TMEM132D: variants seen among roughly 807,000 people sequenced by gnomAD.
The protein encoded by TMEM132D is mature OL transmembrane protein.
Under a neutral mutation model 62.3 loss-of-function variants are expected in TMEM132D, and 21 were observed. The observed-to-expected ratio is 0.34, with a 90% CI of 0.24 to 0.49. The LOEUF is 0.49. Among genes scored for constraint, TMEM132D ranks in the 20% least tolerant of loss-of-function variants. The pLI, the probability that TMEM132D is intolerant of heterozygous loss-of-function variation, is 0.99. For synonymous variants in TMEM132D, 621 were observed against 575.6 expected, an observed-to-expected ratio of 1.08 and a Z score of -1.13; for missense variants, 1,346 against 1,402.8, an observed-to-expected ratio of 0.96 and a Z score of 0.65.
At chr12:129,106,892 G>T (rs1192677772) in intron 5 of TMEM132D, among the ~76,000 whole-genome samples, 1 of 152,196 alleles carries the variant, frequency 6.6e-6, no homozygotes, top group Admixed American at 6.5e-5. Context: ...CATGGGGAAT[G>T]CCTGCCTTGG....
intron 5 of TMEM132D, among the ~76,000 whole-genome samples, chr12:129,114,688 T>C (rs1296757792): frequency 2.0e-5 from 3 of 152,154 alleles, no homozygotes; most frequent in Non-Finnish European, 2.9e-5. Flanking sequence ...ACTCTGGCTC[T>C]TATCCTCTAA....
chr12:129,474,767 A>G (rs1293289781), intron 3 of TMEM132D, among the ~76,000 whole-genome samples: 1 of 152,162 alleles, frequency 6.6e-6, no homozygotes, highest in African/African-American at 2.4e-5. Context: ...CTGCCCACTC[A>G]TCTTGTCCAA....
At chr12:129,215,855 A>G (rs1161947517) in intron 4 of TMEM132D, among the ~76,000 whole-genome samples, 3 of 152,208 alleles carry the variant, frequency 2.0e-5, no homozygotes, top group African/African-American at 7.2e-5. Flanking sequence ...CGTGGGGCAA[A>G]GAGAGAAGGA....
chr12:129,257,019 C>A (rs189776374), intron 4 of TMEM132D, among the ~76,000 whole-genome samples: 4 of 152,262 alleles, frequency 2.6e-5, no homozygotes, highest in African/African-American at 9.6e-5. Context: ...TGGCATCAGA[C>A]TTTCCCTGGT....
chr12:129,406,164 C>A (rs537797115), intron 3 of TMEM132D, among the ~76,000 whole-genome samples: 2 of 152,292 alleles, frequency 1.3e-5, no homozygotes, highest in East Asian at 3.9e-4. Context: ...CAACATACAC[C>A]TTTTGAAAAC....
intron 4 of TMEM132D, among the ~76,000 whole-genome samples, chr12:129,330,102 G>T (rs560036708): frequency 1.3e-5 from 2 of 152,256 alleles, no homozygotes; most frequent in East Asian, 3.9e-4. Flanking sequence ...GCTGAGATAA[G>T]GAGGGAAGAG....
intron 1 of TMEM132D, among the ~76,000 whole-genome samples, chr12:129,859,557 ATGAACAAC>A: frequency 6.6e-6 from 1 of 152,162 alleles, no homozygotes; most frequent in East Asian, 1.9e-4. Flanking sequence ...GCCAGAGAAG[ATGAACAAC>A]TGAGTCAATG....
At chr12:129,870,530 C>A (rs1223922818) in intron 1 of TMEM132D, among the ~76,000 whole-genome samples, 1 of 152,182 alleles carries the variant, frequency 6.6e-6, no homozygotes, top group Non-Finnish European at 1.5e-5. Context: ...GCCCTGGATT[C>A]CATGAGGAGA....
chr12:129,840,801 C>T (rs1873167856), intron 1 of TMEM132D, among the ~76,000 whole-genome samples: 1 of 152,354 alleles, frequency 6.6e-6, no homozygotes, highest in Admixed American at 6.5e-5. Flanking sequence ...AAACAAGGAC[C>T]CCCGCCTCAT....
chr12:129,194,161 T>A (rs1878482856), intron 5 of TMEM132D, among the ~76,000 whole-genome samples: 1 of 152,270 alleles, frequency 6.6e-6, no homozygotes, highest in East Asian at 1.9e-4. Context: ...GCTGTCCCAT[T>A]TTTTTCCTCT....
intron 2 of TMEM132D, among the ~76,000 whole-genome samples, chr12:129,639,821 ATTT>A (rs373474214): frequency 6.6e-6 from 1 of 151,694 alleles, no homozygotes; most frequent in Admixed American, 6.6e-5. Context: ...TTCAGAGTAA[ATTT>A]TTTTTTCTCC....
rs145001928 is a variant in TMEM132D at position 129,513,440 on chromosome 12, G to A, written c.1115+17619C>T. ...GGACCAATTTTTTTTTAATTGACCT[G>A]GAAAGATGTTCTTCACGTAGTGGGA... On this transcript the variant is annotated intron_variant, in intron 3 of 8. Coordinates refer to ENST00000422113, the MANE Select transcript of TMEM132D (RefSeq NM_133448.3). Among the ~76,000 whole-genome samples, 528 of 151,734 alleles carry A rather than the reference G, an allele frequency of 3.5e-3. 1 individual carries two copies. Among genetic ancestry groups the A allele is most frequent in the African/African-American group, 0.012 (500 of 41,368 alleles).
At chr12:129,269,246 C>G (rs1298679037) in intron 4 of TMEM132D, among the ~76,000 whole-genome samples, 1 of 152,060 alleles carries the variant, frequency 6.6e-6, no homozygotes, top group Non-Finnish European at 1.5e-5. Flanking sequence ...TGGATCTCAG[C>G]TTGTATAGTG....
intron 1 of TMEM132D, among the ~76,000 whole-genome samples, chr12:129,777,358 T>C (rs1043747579): frequency 6.6e-6 from 1 of 152,166 alleles, no homozygotes; most frequent in Non-Finnish European, 1.5e-5. Context: ...AAATTAGCGA[T>C]TAATCCAAAC....
intron 1 of TMEM132D, among the ~76,000 whole-genome samples, chr12:129,737,981 A>G (rs1869482018): frequency 6.6e-6 from 1 of 152,266 alleles, no homozygotes. Flanking sequence ...ATCTGTTGCC[A>G]TCTGATAATT....
chr12:129,163,911 G>C (rs750650507), intron 5 of TMEM132D, among the ~76,000 whole-genome samples: 1 of 152,136 alleles, frequency 6.6e-6, no homozygotes, highest in Non-Finnish European at 1.5e-5. Flanking sequence ...TCTACTCCCT[G>C]GGAAGAGAAA....
chr12:129,615,200 G>T (rs1367995467), intron 2 of TMEM132D, among the ~76,000 whole-genome samples: 1 of 152,060 alleles, frequency 6.6e-6, no homozygotes, highest in Non-Finnish European at 1.5e-5. Context: ...TCCTAGGCAG[G>T]CTCTAGAACA....
At chr12:129,654,264 T>A (rs967693853) in intron 2 of TMEM132D, among the ~76,000 whole-genome samples, 1 of 137,586 alleles carries the variant, frequency 7.3e-6, no homozygotes, top group Non-Finnish European at 1.6e-5. Flanking sequence ...TTTCTCTCTC[T>A]CTCTCTCACT....
intron 2 of TMEM132D, among the ~76,000 whole-genome samples, chr12:129,659,347 C>T (rs2137190235): frequency 6.6e-6 from 1 of 152,254 alleles, no homozygotes; most frequent in African/African-American, 2.4e-5. Flanking sequence ...AGCAAGAATT[C>T]CAGCATGACA....
Sources: allele counts gnomAD v4.1 joint callset (sites outside exome capture counted in the v4.1 genomes callset), GRCh38; gene constraint gnomAD v4.1.1; transcripts MANE v1.5; gene names NCBI Gene and HGNC (gene_info 2026-07-23, HGNC 2026-07-21).